KAT14: variants seen among roughly 807,000 people sequenced by gnomAD.
KAT14 encodes cysteine-rich protein 2-binding protein.
A neutral mutation model predicts 78.4 loss-of-function variants in KAT14; 66 were observed. The ratio of observed to expected loss-of-function variants is 0.84; its 90% CI spans 0.69 to 1.03. The LOEUF is 1.03. Ranked by LOEUF, KAT14 falls within the 50% of genes least tolerant of loss-of-function variation. KAT14 has a pLI of 0.00. For missense variants in KAT14, 870 were observed against 972.5 expected (o/e 0.89, Z 1.40); for synonymous variants, 344 against 359.4 (o/e 0.96, Z 0.48).
intron 7 of KAT14, among the ~76,000 whole-genome samples, chr20:18,166,190 T>A (rs2038633925): frequency 6.6e-6 from 1 of 152,202 alleles, no homozygotes; most frequent in African/African-American, 2.4e-5. Context: ...GAGAGCACAC[T>A]TGAACACAGG....
chr20:18,146,361 C>T (rs1023896184), intron 3 of KAT14, among the ~76,000 whole-genome samples: 3 of 151,550 alleles, frequency 2.0e-5, no homozygotes, highest in South Asian at 2.1e-4. Flanking sequence ...GGTGAAACCC[C>T]GACTCTATAA....
intron 7 of KAT14, among the ~76,000 whole-genome samples, chr20:18,169,841 G>C (rs1298515776): frequency 6.6e-6 from 1 of 152,230 alleles, no homozygotes; most frequent in East Asian, 1.9e-4. Flanking sequence ...AAAAGTTCTT[G>C]AAGGTCATTA....
At chr20:18,157,832 C>G (rs981953611) in intron 4 of KAT14, among the ~76,000 whole-genome samples, 1 of 152,040 alleles carries the variant, frequency 6.6e-6, no homozygotes, top group Non-Finnish European at 1.5e-5. Context: ...TGTGTTTATG[C>G]TACATTTTGT....
chr20:18,138,080 G>A (rs773896508), intron 1 of KAT14, 29 bp downstream of exon 1: 2 of 1,443,598 alleles, frequency 1.4e-6, no homozygotes, highest in Admixed American at 2.7e-5. Context: ...TCTCTTCCGG[G>A]CCCGCGCGCG....
In KAT14 at chr20:18,158,610, T is replaced by G. The variant is rs78757863; in HGVS notation, c.501-474T>G. 5.0e-3 allele frequency among the ~76,000 whole-genome samples: 765 copies of G among 152,348 alleles called. 8 individuals are homozygous for G. The highest frequency in any genetic ancestry group is 0.017 in the African/African-American group (707 of 41,578). On this transcript the variant is annotated intron_variant, in intron 4 of 10. Coordinates refer to ENST00000688188, the MANE Select transcript of KAT14 (RefSeq NM_001392073.1). ...TAGGATCAGATTGAGAGATGTGTGCTACTCCTCGGGTAAAATGAGGTATTT... is the reference window on the plus strand; with the variant it reads ...TAGGATCAGATTGAGAGATGTGTGCGACTCCTCGGGTAAAATGAGGTATTT...
chr20:18,145,235 C>G lies in KAT14; in HGVS notation c.262C>G (p.Gln88Glu). ...GTGACTTTTTGTTTTTCTCCTAGGT[C>G]AGCTGAGGGAACAGCTCAGTTACCT... is the stretch of plus-strand genomic sequence containing the variant. ...DKCQKWIPAS[Q>E]LREQLSYLKG... Residue 88 changes from glutamine (Q) to glutamate (E), a missense_variant and splice_region_variant, in exon 3 of 11, where the codon CAG becomes GAG. Physicochemically the swap from Gln to Glu is conservative, Grantham distance 29. Transcript: ENST00000688188. The G allele has an allele frequency of 6.2e-7, 1 of 1,613,808 alleles. No individual in the cohort carries two copies. Among genetic ancestry groups the G allele is most frequent in the Non-Finnish European group, 8.5e-7 (1 of 1,179,914 alleles).
chr20:18,181,470 G>T (rs1231693582), intron 7 of KAT14, among the ~76,000 whole-genome samples: 3 of 147,810 alleles, frequency 2.0e-5, no homozygotes, highest in African/African-American at 7.5e-5. Context: ...CTGGGTTCAC[G>T]CCATTCTCCT....
At chr20:18,176,915 G>A (rs1042113795) in intron 7 of KAT14, among the ~76,000 whole-genome samples, 6 of 152,202 alleles carry the variant, frequency 3.9e-5, no homozygotes, top group African/African-American at 1.4e-4. Context: ...ATGGGAGGCA[G>A]TTGATCCAGG....
In KAT14 at chr20:18,162,116, T is replaced by C. The variant is rs375202231; in HGVS notation, c.976T>C (p.Ser326Pro). 1 of 1,614,214 alleles carries C rather than the reference T, an allele frequency of 6.2e-7. No homozygotes were observed. The highest frequency in any genetic ancestry group is 8.5e-7 in the Non-Finnish European group (1 of 1,180,034). The change falls in exon 6 of 11, where the codon TCT becomes CCT. Residue 326 changes from serine (S) to proline (P), a missense_variant. Transcript: ENST00000688188. ...TGACCGCACCCCGCTGACAAGCCCA[T>C]CTCCTTCTCCTTCTCTGGATTTCTC... ...SSDRTPLTSP[S>P]PSPSLDFSAP...
chr20:18,172,683 C>T (rs189955319), intron 7 of KAT14, among the ~76,000 whole-genome samples: 1 of 152,276 alleles, frequency 6.6e-6, no homozygotes, highest in East Asian at 1.9e-4. Flanking sequence ...TGAGGTGTGC[C>T]TATATTTTAA....
chr20:18,153,993 A>G (rs1482776233), intron 4 of KAT14, among the ~76,000 whole-genome samples: 1 of 152,232 alleles, frequency 6.6e-6, no homozygotes, highest in Non-Finnish European at 1.5e-5. Context: ...TTAAAGCAGT[A>G]AACTTTCTTT....
rs754671060 is a variant in KAT14, at chr20:18,142,256, AAAG to A, written c.-402_-400del. The A allele has an allele frequency of 5.9e-6, 9 of 1,537,238 alleles. No individual in the cohort carries two copies. In the South Asian group the frequency reaches 8.3e-5, roughly 14 times the overall value. On this transcript the variant is annotated 5_prime_UTR_variant, in exon 2 of 11. Coordinates refer to ENST00000688188, the MANE Select transcript of KAT14 (RefSeq NM_001392073.1). ...AGACATTGAGAGGCAAATTCGGAAA[AAAG>A]AAAACATTCGTCTTTTGGGAGAACA... is the stretch of plus-strand genomic sequence containing the variant.
At chr20:18,154,250 CT>C (rs2038145272) in intron 4 of KAT14, among the ~76,000 whole-genome samples, 1 of 152,144 alleles carries the variant, frequency 6.6e-6, no homozygotes, top group African/African-American at 2.4e-5. Context: ...TTAAGGTACA[CT>C]TTTTTCATAG....
chr20:18,164,781 TA>T (rs2038579621), intron 7 of KAT14, among the ~76,000 whole-genome samples: 1 of 151,952 alleles, frequency 6.6e-6, no homozygotes, highest in African/African-American at 2.4e-5. Context: ...CACACTCAGC[TA>T]ATTTTTTTTT....
chr20:18,174,399 C>T (rs1275525338), intron 7 of KAT14, among the ~76,000 whole-genome samples: 1 of 152,052 alleles, frequency 6.6e-6, no homozygotes, highest in African/African-American at 2.4e-5. Flanking sequence ...AGACTGTCTT[C>T]CAAAGTGGCT....
In KAT14 at chr20:18,137,980, C is replaced by T. The variant is rs1257575654; in HGVS notation, c.-525C>T. On this transcript the variant is annotated 5_prime_UTR_variant, in exon 1 of 11. Coordinates refer to ENST00000688188, the MANE Select transcript of KAT14 (RefSeq NM_001392073.1). ...GATGTCTAGGAGCTCGAAGGTGGTG[C>T]TGGGCCTCTCGGTGCTGCTGACGGC... The T allele has an allele frequency of 2.0e-6, 3 of 1,505,914 alleles. No homozygotes were observed. The highest frequency in any genetic ancestry group is 1.2e-5 in the South Asian group (1 of 80,784). 93.3% of individuals were successfully genotyped at this position (1,505,914 alleles called of 1,614,324 possible).
chr20:18,137,422 C>A (rs2146307273), upstream of KAT14, among the ~76,000 whole-genome samples: 1 of 152,294 alleles, frequency 6.6e-6, no homozygotes, highest in African/African-American at 2.4e-5. Context: ...ATGGGAACCC[C>A]GCGCCTCTGA....
intron 7 of KAT14, among the ~76,000 whole-genome samples, chr20:18,176,175 G>A (rs1444487945): frequency 6.6e-6 from 1 of 151,940 alleles, no homozygotes; most frequent in African/African-American, 2.4e-5. Flanking sequence ...GCTGGCGCGT[G>A]CCTGTAGTCC....
At position 18,162,486 on chromosome 20, in the gene KAT14, C is replaced by T. The variant is rs1438181134; in HGVS notation, c.1209C>T (p.Val403=). ...SGPVVGVRKK[V]RGPEQIKQEV... is the part of the protein sequence containing the mutation. ...CAGTGGTTGGGGTCAGAAAGAAGGTCAGAGGCCCTGAACAGATAAAGCAGG... is the reference window on the plus strand; with the variant it reads ...CAGTGGTTGGGGTCAGAAAGAAGGTTAGAGGCCCTGAACAGATAAAGCAGG... Residue 403 remains valine, a synonymous_variant, in exon 7 of 11, where the codon GTC becomes GTT. Transcript: ENST00000688188. 5.6e-6 allele frequency: 9 copies of T among 1,613,888 alleles called. No individual in the cohort carries two copies. Among genetic ancestry groups the T allele is most frequent in the African/African-American group, 5.3e-5 (4 of 74,862 alleles).
Sources: gnomAD v4.1 joint callset for allele counts (sites outside exome capture counted in the v4.1 genomes callset) on GRCh38, gnomAD v4.1.1 for gene constraint, MANE v1.5 for transcripts, NCBI Gene and HGNC (gene_info 2026-07-23, HGNC 2026-07-21) for gene names.